Variants in ADGRL3 observed in about 807,000 individuals in gnomAD.
The protein encoded by ADGRL3 is adhesion G protein-coupled receptor L3, also known as calcium-independent alpha-latrotoxin receptor 3.
A neutral mutation model predicts 153.5 loss-of-function variants in ADGRL3; 62 were observed. The observed-to-expected ratio is 0.40, with a 90% CI of 0.33 to 0.50. The LOEUF is 0.50. Among genes scored for constraint, ADGRL3 ranks in the 20% least tolerant of loss-of-function variants. The pLI is 0.47. For missense variants in ADGRL3, 1,641 were observed against 1,859.4 expected (o/e 0.88, Z 2.16); for synonymous variants, 710 against 672.5 (o/e 1.06, Z -0.86).
At chr4:61,644,857 G>T (rs867158951) in intron 5 of ADGRL3, among the ~76,000 whole-genome samples, 1 of 151,852 alleles carries the variant, frequency 6.6e-6, no homozygotes, top group East Asian at 1.9e-4. Context: ...TTTCTGTCTC[G>T]TTGATCTGTC....
rs550060435 is a variant in ADGRL3 at position 61,388,511 on chromosome 4, G to T, written c.-174+5322G>T. On this transcript the variant is annotated intron_variant, in intron 2 of 26. Coordinates refer to ENST00000683033, the MANE Select transcript of ADGRL3 (RefSeq NM_001387552.1). ...AATGGCTCCATTCTTACAGTTCTTT[G>T]GGCACAAATTATTGGAGTAGTTCTT... Among the ~76,000 whole-genome samples, 25 of 152,216 alleles carry T rather than the reference G, an allele frequency of 1.6e-4. No homozygotes were observed. The South Asian group carries it at 4.1e-3, about 25-fold the overall frequency.
intron 2 of ADGRL3, among the ~76,000 whole-genome samples, chr4:61,406,302 G>T (rs1374536554): frequency 1.3e-5 from 2 of 151,886 alleles, no homozygotes; most frequent in African/African-American, 4.8e-5. Context: ...CTGTAGTGTA[G>T]TGTAACTTTT....
intron 9 of ADGRL3, among the ~76,000 whole-genome samples, chr4:61,825,401 A>G (rs1316227133): frequency 5.3e-5 from 8 of 152,226 alleles, no homozygotes; most frequent in Non-Finnish European, 5.9e-5. Flanking sequence ...TTTAGCAGCA[A>G]TACTCTATTG....
At chr4:61,981,332 G>A (rs1182273205) in intron 18 of ADGRL3, among the ~76,000 whole-genome samples, 1 of 151,958 alleles carries the variant, frequency 6.6e-6, no homozygotes, top group African/African-American at 2.4e-5. Flanking sequence ...AAATCTGCAG[G>A]TCTAAAATGG....
At chr4:61,709,915 G>A (rs976729991) in intron 6 of ADGRL3, among the ~76,000 whole-genome samples, 1 of 152,226 alleles carries the variant, frequency 6.6e-6, no homozygotes, top group Non-Finnish European at 1.5e-5. Flanking sequence ...TCTGGAAGGG[G>A]CTTGTGGGTC....
chr4:61,454,388 AAC>A, intron 2 of ADGRL3, among the ~76,000 whole-genome samples: 1 of 152,290 alleles, frequency 6.6e-6, no homozygotes, highest in East Asian at 1.9e-4. Context: ...GATATCTTAT[AAC>A]ACAACTGTTT....
chr4:61,970,154 T>A (rs2099021653), intron 17 of ADGRL3, among the ~76,000 whole-genome samples: 1 of 152,128 alleles, frequency 6.6e-6, no homozygotes, highest in Non-Finnish European at 1.5e-5. Flanking sequence ...TAGTATCACA[T>A]CACAGTGTTT....
At chr4:61,703,878 TG>T (rs1268286590) in intron 6 of ADGRL3, among the ~76,000 whole-genome samples, 2 of 151,940 alleles carry the variant, frequency 1.3e-5, no homozygotes, top group Non-Finnish European at 2.9e-5. Context: ...ATAAAGGGTT[TG>T]TTTGGAAGTT....
chr4:61,434,925 A>G (rs1254995321), intron 2 of ADGRL3, among the ~76,000 whole-genome samples: 1 of 152,102 alleles, frequency 6.6e-6, no homozygotes, highest in African/African-American at 2.4e-5. Context: ...TACATTTTAT[A>G]AAACAAAACT....
intron 5 of ADGRL3, among the ~76,000 whole-genome samples, chr4:61,593,889 C>G (rs184978748): frequency 2.0e-5 from 3 of 152,096 alleles, no homozygotes; most frequent in African/African-American, 7.2e-5. Context: ...CCCTATGAAT[C>G]CCCCTTGTCT....
intron 14 of ADGRL3, among the ~76,000 whole-genome samples, 153 bp from the exon 15 acceptor site, chr4:61,935,770 T>A (rs1027976069): frequency 5.3e-5 from 8 of 152,298 alleles, no homozygotes; most frequent in African/African-American, 1.9e-4. Flanking sequence ...GATAAAATAC[T>A]AACAATATAT....
At chr4:61,749,542 A>C (rs2096723109) in intron 8 of ADGRL3, among the ~76,000 whole-genome samples, 1 of 152,236 alleles carries the variant, frequency 6.6e-6, no homozygotes, top group South Asian at 2.1e-4. Context: ...AAAAATGATG[A>C]GTTCATGTCC....
intron 1 of ADGRL3, among the ~76,000 whole-genome samples, chr4:61,314,418 A>G (rs577960234): frequency 6.6e-6 from 1 of 152,230 alleles, no homozygotes; most frequent in East Asian, 1.9e-4. Context: ...CACGTTGTTC[A>G]GGCTGGTCTC....
intron 9 of ADGRL3, among the ~76,000 whole-genome samples, chr4:61,830,696 A>C (rs934514851): frequency 6.6e-6 from 1 of 152,160 alleles, no homozygotes; most frequent in Non-Finnish European, 1.5e-5. Context: ...AGGAAACCGA[A>C]TGCTACAGAA....
At chr4:61,798,249 A>C (rs1030485750) in intron 8 of ADGRL3, among the ~76,000 whole-genome samples, 1 of 152,198 alleles carries the variant, frequency 6.6e-6, no homozygotes, top group Non-Finnish European at 1.5e-5. Context: ...AGAGCTAAAA[A>C]TCACATTAAA....
chr4:61,552,799 C>T (rs940032093), intron 4 of ADGRL3, among the ~76,000 whole-genome samples: 1 of 152,138 alleles, frequency 6.6e-6, no homozygotes, highest in Non-Finnish European at 1.5e-5. Context: ...CAAGAATACA[C>T]TATTAGACTT....
chr4:61,889,618 G>T (rs1437285984), intron 9 of ADGRL3, among the ~76,000 whole-genome samples: 2 of 152,120 alleles, frequency 1.3e-5, no homozygotes, highest in Non-Finnish European at 2.9e-5. Flanking sequence ...TCATTACATG[G>T]TACTGGTGCT....
chr4:61,246,489 A>G (rs1237630383), intron 1 of ADGRL3, among the ~76,000 whole-genome samples: 2 of 151,994 alleles, frequency 1.3e-5, no homozygotes, highest in East Asian at 3.9e-4. Context: ...ATTTTTGTAT[A>G]CCCAAATTTG....
intron 22 of ADGRL3, among the ~76,000 whole-genome samples, chr4:62,029,679 A>G (rs894287924): frequency 6.8e-6 from 1 of 146,012 alleles, no homozygotes; most frequent in Non-Finnish European, 1.5e-5. Flanking sequence ...TCACTTCTTC[A>G]TGCTTCTGCT....
Sources: allele counts gnomAD v4.1 joint callset (sites outside exome capture counted in the v4.1 genomes callset), GRCh38; gene constraint gnomAD v4.1.1; transcripts MANE v1.5; gene names NCBI Gene and HGNC (gene_info 2026-07-23, HGNC 2026-07-21).